The following LINGO1 variants were observed in gnomAD, a reference collection of about 807,000 sequenced individuals.
LINGO1 encodes leucine-rich repeat and immunoglobulin-like domain-containing nogo receptor-interacting protein 1.
A neutral mutation model predicts 37.3 loss-of-function variants in LINGO1; 11 were observed. The observed-to-expected ratio is 0.29, with a 90% CI of 0.19 to 0.49. LINGO1 has a LOEUF of 0.49. LINGO1 is among the 20% of genes least tolerant of loss of function. The pLI, the probability that LINGO1 is intolerant of heterozygous loss-of-function variation, is 0.99. For synonymous variants in LINGO1, 387 were observed against 403.0 expected, an observed-to-expected ratio of 0.96 and a Z score of 0.48; for missense variants, 585 against 878.2, an observed-to-expected ratio of 0.67 and a Z score of 4.22.
At chr15:77,743,021 C>T (rs1221811367) in intron 1 of LINGO1, among the ~76,000 whole-genome samples, 2 of 152,210 alleles carry the variant, frequency 1.3e-5, no homozygotes, top group East Asian at 1.9e-4. Context: ...CCCAGCCCGA[C>T]GCCCAACCTC....
chr15:77,650,052 A>G (rs1457790349), intron 3 of LINGO1, among the ~76,000 whole-genome samples: 3 of 152,232 alleles, frequency 2.0e-5, no homozygotes, highest in Non-Finnish European at 4.4e-5. Context: ...TACCACCCAC[A>G]CATTCTCACA....
At chr15:77,634,762 C>T (rs984813980), upstream of LINGO1, among the ~76,000 whole-genome samples, 8 of 151,714 alleles carry the variant, frequency 5.3e-5, no homozygotes, top group South Asian at 2.1e-4. Flanking sequence ...ACTCCCCAGC[C>T]CCCCCACCCC....
At chr15:77,625,002 G>A (rs1278075108) in intron 1 of LINGO1, among the ~76,000 whole-genome samples, 2 of 152,212 alleles carry the variant, frequency 1.3e-5, no homozygotes, top group African/African-American at 2.4e-5. Flanking sequence ...CTTGGGACAC[G>A]CTTGCCTCAT....
chr15:77,658,028 T>C (rs1023736976), intron 3 of LINGO1, among the ~76,000 whole-genome samples: 5 of 152,142 alleles, frequency 3.3e-5, no homozygotes, highest in Non-Finnish European at 7.4e-5. Context: ...GGAGTGGGGC[T>C]TGGCAGTCGG....
At chr15:77,687,516 C>T (rs1177819562) in intron 2 of LINGO1, among the ~76,000 whole-genome samples, 1 of 152,238 alleles carries the variant, frequency 6.6e-6, no homozygotes, top group Non-Finnish European at 1.5e-5. Context: ...CTATGCTCCA[C>T]TCCAGGCAGC....
At chr15:77,649,771 G>GC (rs777448500) in intron 3 of LINGO1, among the ~76,000 whole-genome samples, 11 of 152,012 alleles carry the variant, frequency 7.2e-5, no homozygotes, top group Non-Finnish European at 1.0e-4. Context: ...CCCACAGCCT[G>GC]CCCCCCCGAG....
intron 1 of LINGO1, among the ~76,000 whole-genome samples, chr15:77,742,343 C>G (rs2076272702): frequency 6.6e-6 from 1 of 152,238 alleles, no homozygotes; most frequent in Admixed American, 6.5e-5. Flanking sequence ...GCACAGTGAA[C>G]AGAGCCTCAC....
chr15:77,769,572 G>A (rs997100471), intron 1 of LINGO1, among the ~76,000 whole-genome samples: 16 of 152,132 alleles, frequency 1.1e-4, no homozygotes, highest in Non-Finnish European at 5.9e-5. Flanking sequence ...GGTTGAGCTG[G>A]GCAATGTCGA....
At chr15:77,634,556 C>A (rs139661504), upstream of LINGO1, among the ~76,000 whole-genome samples, 943 of 152,316 alleles carry the variant, frequency 6.2e-3, 13 homozygotes, top group African/African-American at 0.022. Context: ...CATGGTCACA[C>A]AGCCAGCAAG....
chr15:77,775,317 C>A (rs575825722), intron 1 of LINGO1, among the ~76,000 whole-genome samples: 1 of 152,278 alleles, frequency 6.6e-6, no homozygotes, highest in South Asian at 2.1e-4. Flanking sequence ...TGGGTGCCCA[C>A]TGCAGGCCCA....
intron 1 of LINGO1, among the ~76,000 whole-genome samples, chr15:77,800,923 C>G (rs895985138): frequency 2.0e-5 from 3 of 152,216 alleles, no homozygotes; most frequent in Non-Finnish European, 2.9e-5. Flanking sequence ...AAAAGATGTT[C>G]TATCTCACTA....
chr15:77,656,508 G>C (rs1162404789), intron 3 of LINGO1, among the ~76,000 whole-genome samples: 1 of 152,200 alleles, frequency 6.6e-6, no homozygotes, highest in Non-Finnish European at 1.5e-5. Flanking sequence ...CAGCCGCCCT[G>C]CGCCCATATG....
At chr15:77,619,996 G>A (rs2073868830) in intron 1 of LINGO1, among the ~76,000 whole-genome samples, 1 of 152,174 alleles carries the variant, frequency 6.6e-6, no homozygotes, top group African/African-American at 2.4e-5. Context: ...GTCTCCGCTG[G>A]GCCTAGTCTC....
intron 1 of LINGO1, among the ~76,000 whole-genome samples, chr15:77,771,206 G>T (rs1457088254): frequency 6.6e-6 from 1 of 152,320 alleles, no homozygotes; most frequent in African/African-American, 2.4e-5. Flanking sequence ...AAGATATCAT[G>T]ATCCTGGGAA....
At chr15:77,619,501 A>T (rs929245006) in intron 1 of LINGO1, among the ~76,000 whole-genome samples, 1 of 152,050 alleles carries the variant, frequency 6.6e-6, no homozygotes, top group Non-Finnish European at 1.5e-5. Flanking sequence ...GCTGGGCAAC[A>T]TAGTGAGATG....
At chr15:77,702,728 G>A (rs2075800769) in intron 2 of LINGO1, among the ~76,000 whole-genome samples, 1 of 152,060 alleles carries the variant, frequency 6.6e-6, no homozygotes. Flanking sequence ...GTCTGCCTGG[G>A]CTACACACAC....
intron 2 of LINGO1, among the ~76,000 whole-genome samples, chr15:77,719,523 C>T (rs537496071): frequency 3.3e-5 from 5 of 149,676 alleles, no homozygotes; most frequent in South Asian, 2.2e-4. Flanking sequence ...GGGAGACACA[C>T]GGGGGCAGCC....
chr15:77,803,275 G>A (rs1196352470), intron 1 of LINGO1, among the ~76,000 whole-genome samples: 2 of 152,088 alleles, frequency 1.3e-5, no homozygotes, highest in African/African-American at 4.8e-5. Context: ...CACAGAGGAG[G>A]CATTAGGCAC....
intron 1 of LINGO1, among the ~76,000 whole-genome samples, chr15:77,773,240 C>A (rs1225604290): frequency 2.0e-5 from 3 of 152,296 alleles, no homozygotes; most frequent in African/African-American, 7.2e-5. Context: ...CATGGGACTC[C>A]TGGGAGGCTT....
Sources: gnomAD v4.1 joint callset for allele counts (sites outside exome capture counted in the v4.1 genomes callset) on GRCh38, gnomAD v4.1.1 for gene constraint, MANE v1.5 for transcripts, NCBI Gene and HGNC (gene_info 2026-07-23, HGNC 2026-07-21) for gene names.